PCDH10: variants seen among roughly 807,000 people sequenced by gnomAD.
PCDH10 encodes protocadherin 10.
A neutral mutation model predicts 74.4 loss-of-function variants in PCDH10; 15 were observed. The observed-to-expected ratio is 0.20, with a 90% CI of 0.13 to 0.31. The LOEUF is 0.31. PCDH10 is among the 10% of genes least tolerant of loss of function. PCDH10 has a pLI of 1.00. For synonymous variants in PCDH10, 619 were observed against 589.8 expected, an observed-to-expected ratio of 1.05 and a Z score of -0.72; for missense variants, 1,260 against 1,390.2, an observed-to-expected ratio of 0.91 and a Z score of 1.49.
At position 133,150,008 on chromosome 4, in the gene PCDH10, CAGAA is replaced by C. The variant is rs1354210358; in HGVS notation, c.-130_-127del. The C allele has an allele frequency of 3.1e-5, 39 of 1,278,098 alleles. No homozygotes were observed. The highest frequency in any genetic ancestry group is 2.9e-4 in the Middle Eastern group (1 of 3,472). 79.2% of individuals were successfully genotyped at this position (1,278,098 alleles called of 1,614,324 possible). A position where few individuals can be genotyped will look rare whatever the true frequency, so the allele number is the denominator to read the frequency against. On this transcript the variant is annotated 5_prime_UTR_variant, in exon 1 of 5. Transcript: ENST00000264360. ...GCAAAAGGAGTAAGATTTTTAAAGA[CAGAA>C]AGCCACAGGAGCCCCCACGTAGCGC... is the stretch of plus-strand genomic sequence containing the variant.
chr4:133,189,788 A>G (rs958621894), intron 4 of PCDH10, among the ~76,000 whole-genome samples: 1 of 152,120 alleles, frequency 6.6e-6, no homozygotes, highest in African/African-American at 2.4e-5. Context: ...CTTTTTCTAG[A>G]AATGTAAGGG....
At position 133,150,232 on chromosome 4, in the gene PCDH10, G is replaced by A. The variant is rs1726627869; in HGVS notation, c.92G>A (p.Gly31Asp). The A allele has an allele frequency of 6.2e-7, 1 of 1,613,864 alleles. No individual in the cohort carries two copies. The change falls in exon 1 of 5, where the codon GGC (glycine) becomes GAC (aspartate). Residue 31 changes from glycine to aspartate, a missense_variant. Transcript: ENST00000264360. ...ACGGTACAGGAGGAGCAGGAACATG[G>A]CACTTTCGTGGGGAATATCGCTGAA... ...HYTVQEEQEHGTFVGNIAEDL... is the reference protein window; with the variant it reads ...HYTVQEEQEHDTFVGNIAEDL...
chr4:133,160,516 G>C (rs746492594), intron 3 of PCDH10, among the ~76,000 whole-genome samples: 3 of 149,834 alleles, frequency 2.0e-5, no homozygotes, highest in Non-Finnish European at 4.4e-5. Flanking sequence ...TCAAATAATC[G>C]AAAGAGGCAG....
chr4:133,188,661 A>G (rs1162932778), intron 4 of PCDH10, among the ~76,000 whole-genome samples: 8 of 120,598 alleles, frequency 6.6e-5, no homozygotes, highest in African/African-American at 2.5e-4. Context: ...CCTGACTGCT[A>G]TGGGTTTTTT....
intron 4 of PCDH10, among the ~76,000 whole-genome samples, chr4:133,169,819 A>AT (rs926249748): frequency 1.3e-5 from 2 of 151,988 alleles, no homozygotes; most frequent in Non-Finnish European, 2.9e-5. Context: ...TGTGCCAGAC[A>AT]TTTTTTGGGT....
At chr4:133,185,630 T>C (rs1446130807) in intron 4 of PCDH10, among the ~76,000 whole-genome samples, 1 of 152,122 alleles carries the variant, frequency 6.6e-6, no homozygotes, top group Admixed American at 6.6e-5. Flanking sequence ...TAAAGAAGTG[T>C]CCTGATGATG....
chr4:133,184,495 C>T (rs1272264316), intron 4 of PCDH10, among the ~76,000 whole-genome samples: 1 of 151,402 alleles, frequency 6.6e-6, no homozygotes, highest in Non-Finnish European at 1.5e-5. Flanking sequence ...TTGTGGTGCG[C>T]AACTGTAATC....
chr4:133,161,450 ATTATT>A (rs968078703), intron 3 of PCDH10, among the ~76,000 whole-genome samples: 17 of 152,036 alleles, frequency 1.1e-4, no homozygotes, highest in African/African-American at 2.9e-4. Context: ...ATTTTGAAAA[ATTATT>A]TTATTTTATA....
chr4:133,164,879 A>T (rs1167140865), intron 4 of PCDH10, among the ~76,000 whole-genome samples: 1 of 150,350 alleles, frequency 6.7e-6, no homozygotes, highest in African/African-American at 2.4e-5. Flanking sequence ...GTGTGTTGCT[A>T]AAAATCAAAA....
intron 2 of PCDH10, among the ~76,000 whole-genome samples, chr4:133,201,203 C>T (rs750238019): frequency 5.9e-5 from 9 of 152,056 alleles, no homozygotes; most frequent in Non-Finnish European, 1.2e-4. Flanking sequence ...CTAATAATTC[C>T]ACCCCAGTTA....
chr4:133,177,279 A>C (rs1224963414), intron 4 of PCDH10, among the ~76,000 whole-genome samples: 2 of 152,256 alleles, frequency 1.3e-5, no homozygotes, highest in South Asian at 2.1e-4. Context: ...GTTCTTCACT[A>C]AAATCTTATT....
At chr4:133,203,887 T>C (rs1023628603) in intron 2 of PCDH10, among the ~76,000 whole-genome samples, 1 of 152,130 alleles carries the variant, frequency 6.6e-6, no homozygotes, top group African/African-American at 2.4e-5. Context: ...TCTAGTAAGG[T>C]CATTTTGACT....
intron 3 of PCDH10, among the ~76,000 whole-genome samples, chr4:133,157,145 T>A (rs1726884107): frequency 6.6e-6 from 1 of 152,328 alleles, no homozygotes; most frequent in South Asian, 2.1e-4. Flanking sequence ...AGCCACAACA[T>A]ACTGGGCACA....
chr4:133,203,215 A>C (rs1311310854), intron 2 of PCDH10, among the ~76,000 whole-genome samples: 2 of 152,148 alleles, frequency 1.3e-5, no homozygotes, highest in African/African-American at 4.8e-5. Context: ...GTATAGAGAT[A>C]GTATAGACAT....
Position 133,190,312 on chromosome 4 carries a change from G to A in PCDH10, c.*152G>A. 2.9e-6 allele frequency: 2 copies of A among 699,286 alleles called. No homozygotes were observed. Among genetic ancestry groups the A allele is most frequent in the Admixed American group, 4.6e-5 (2 of 43,306 alleles). The allele number at this position is 699,286 out of a possible 1,614,324, so 43.3% of individuals were successfully genotyped here. A position where few individuals can be genotyped will look rare whatever the true frequency, so the allele number is the denominator to read the frequency against. ...ATGGAGTCATCATGGCCAATTATAG[G>A]ACCTAATTGCTCTCAGCAGGCCTGA... On this transcript the variant is annotated 3_prime_UTR_variant, in exon 5 of 5. Transcript: ENST00000264360.
At chr4:133,207,000 A>T (rs944706757) in intron 2 of PCDH10, among the ~76,000 whole-genome samples, 2 of 152,132 alleles carry the variant, frequency 1.3e-5, no homozygotes, top group Admixed American at 6.6e-5. Flanking sequence ...TTATTTCATT[A>T]CATGTCAATA....
intron 4 of PCDH10, among the ~76,000 whole-genome samples, chr4:133,170,579 G>A (rs10518630): frequency 0.06 from 9,077 of 152,190 alleles, 718 homozygotes; most frequent in African/African-American, 0.19. Context: ...GTGCAACATA[G>A]GAGTCAATGT....
intron 3 of PCDH10, among the ~76,000 whole-genome samples, chr4:133,155,947 A>G (rs1490120809): frequency 6.6e-6 from 1 of 152,108 alleles, no homozygotes; most frequent in East Asian, 1.9e-4. Context: ...TTTTCTATCT[A>G]GTTTTGTGTT....
chr4:133,197,969 T>TTGTGTG (rs70957500), downstream of PCDH10, among the ~76,000 whole-genome samples: 13,463 of 144,938 alleles, frequency 0.093, 609 homozygotes, highest in African/African-American at 0.1. Context: ...TCTCTCAAAA[T>TTGTGTG]TGTGTGTGTG....
Sources: gnomAD v4.1 joint callset for allele counts (sites outside exome capture counted in the v4.1 genomes callset) on GRCh38, gnomAD v4.1.1 for gene constraint, MANE v1.5 for transcripts, NCBI Gene and HGNC (gene_info 2026-07-23, HGNC 2026-07-21) for gene names.